Variants in GKN1 observed in about 807,000 individuals in gnomAD.
GKN1 encodes the protein gastrokine-1.
GKN1 carries 17 observed loss-of-function variants against 19.7 expected under a neutral mutation model. The observed-to-expected ratio is 0.86, with a 90% CI of 0.59 to 1.29. The LOEUF is 1.29. GKN1 is among the 50% of genes most tolerant of loss of function. GKN1 has a pLI of 0.00. For synonymous variants in GKN1, 96 were observed against 78.3 expected (o/e 1.23, Z -1.20); for missense variants, 218 against 224.5 (o/e 0.97, Z 0.19).
intron 1 of GKN1, among the ~76,000 whole-genome samples, chr2:68,975,836 AT>A (rs1670252582): frequency 6.6e-6 from 1 of 152,172 alleles, no homozygotes; most frequent in East Asian, 1.9e-4. Flanking sequence ...TAGGAGACTA[AT>A]TTTTAACTCC....
At chr2:68,977,890 A>T in intron 3 of GKN1, 116 bp downstream of exon 3, 1 of 843,550 alleles carries the variant, frequency 1.2e-6, no homozygotes, top group Non-Finnish European at 1.9e-6. Flanking sequence ...TACACATAGC[A>T]TACAGTTATA....
Position 68,980,045 on chromosome 2 carries a change from G to A in GKN1, c.448G>A (p.Ala150Thr). Reference sequence around the variant, plus strand: ...GTGTCGTGGGATTCCAACATACATGGCTGAGGAGATGCAAGGTGAGTAGCA... The same window carrying A: ...GTGTCGTGGGATTCCAACATACATGACTGAGGAGATGCAAGGTGAGTAGCA... ...NMCRGIPTYMAEEMQEASLFF... is the reference protein window; with the variant it reads ...NMCRGIPTYMTEEMQEASLFF... Residue 150 changes from alanine to threonine, a missense_variant, in exon 5 of 6, where the codon GCT (alanine) becomes ACT (threonine). By Grantham distance (58) the Ala-to-Thr change is moderately conservative. Transcript: ENST00000377938. 6.2e-7 allele frequency: 1 copy of A among 1,613,798 alleles called. No individual in the cohort carries two copies. The highest frequency in any genetic ancestry group is 1.1e-5 in the South Asian group (1 of 91,070).
rs1422161672 is a variant in GKN1 at position 68,977,655 on chromosome 2, G to A, written c.85G>A (p.Asp29Asn). The change falls in exon 3 of 6, where the codon GAC becomes AAC. Residue 29 changes from aspartate to asparagine, a missense_variant. Physicochemically the swap from Asp to Asn is conservative, Grantham distance 23. Transcript: ENST00000377938. ...ACTTCAGAATATCAACGTCAATGATGACAACAACAATGCTGGAAGTGGGCA... is the reference window on the plus strand; with the variant it reads ...ACTTCAGAATATCAACGTCAATGATAACAACAACAATGCTGGAAGTGGGCA... ...LANYNINVNDDNNNAGSGQQS... is the reference protein window; with the variant it reads ...LANYNINVNDNNNNAGSGQQS... The A allele has an allele frequency of 1.9e-6, 3 of 1,610,950 alleles. No homozygotes were observed. The African/African-American group carries it at 4.0e-5, about 22-fold the overall frequency.
chr2:68,980,821 T>G lies in GKN1; in HGVS notation c.556T>G (p.Ter186GluextTer4). The change falls in exon 6 of 6, where the codon TAA becomes GAA. Residue 186 changes from the stop codon to glutamate (E), a stop_lost. Transcript: ENST00000377938. ...ISFCGDTVEN[*>E] ...CTTCTGTGGAGACACGGTGGAGAACTAAACAATTTTTTAAAGCCACTATGG... is the reference window on the plus strand; with the variant it reads ...CTTCTGTGGAGACACGGTGGAGAACGAAACAATTTTTTAAAGCCACTATGG... 1 of 1,474,850 alleles carries G rather than the reference T, an allele frequency of 6.8e-7. No individual in the cohort carries two copies. The highest frequency in any genetic ancestry group is 9.5e-7 in the Non-Finnish European group (1 of 1,052,982). 91.4% of individuals were successfully genotyped at this position (1,474,850 alleles called of 1,614,324 possible).
chr2:68,977,364 A>G (rs1573742651), intron 1 of GKN1, 131 bp from the exon 2 acceptor site: 4 of 582,916 alleles, frequency 6.9e-6, no homozygotes, highest in Non-Finnish European at 1.1e-5. Flanking sequence ...GTAAGAGAAG[A>G]AAAAAACACA....
chr2:68,979,002 A>G, intron 4 of GKN1, 21 bp downstream of exon 4: 1 of 1,265,078 alleles, frequency 7.9e-7, no homozygotes, highest in Non-Finnish European at 1.1e-6. Context: ...AAGGCTTTTT[A>G]TTTTTGGTGA....
chr2:68,979,182 G>A (rs531203313), intron 4 of GKN1, among the ~76,000 whole-genome samples: 4 of 152,284 alleles, frequency 2.6e-5, no homozygotes, highest in African/African-American at 4.8e-5. Context: ...CTCTACAACC[G>A]CTGAGCAAAG....
chr2:68,979,979 GT>G lies in GKN1; in HGVS notation c.383del (p.Val128AlafsTer4), dbSNP rs1480004615. 6.2e-7 allele frequency: 1 copy of G among 1,613,678 alleles called. No homozygotes were observed. The highest frequency in any genetic ancestry group is 1.7e-5 in the Admixed American group (1 of 60,030). On this transcript the variant is annotated frameshift_variant, in exon 5 of 6. Transcript: ENST00000377938. LOFTEE classifies it high-confidence loss of function. ...GLMYSVNPNKVDDLSKFGKNI... is the reference protein window; with the variant it reads ...GLMYSVNPNKXDDLSKFGKNI... ...GATGTACTCAGTCAACCCAAACAAA[GT>G]CGATGACCTGAGCAAGTTCGGAAAA...
intron 3 of GKN1, 134 bp downstream of exon 3, chr2:68,977,908 G>A (rs1670288605): frequency 8.2e-6 from 6 of 734,502 alleles, no homozygotes; most frequent in African/African-American, 3.5e-5. Flanking sequence ...ATAAGTAAAG[G>A]TGACCATTTT....
Position 68,977,663 on chromosome 2 carries a change from C to T in GKN1, c.93C>T (p.Asn31=), listed in dbSNP as rs1558715028. ...NYNINVNDDN[N]NAGSGQQSVS... ...ATATCAACGTCAATGATGACAACAA[C>T]AATGCTGGAAGTGGGCAGCAGTCAG... Residue 31 remains asparagine, a synonymous_variant, in exon 3 of 6, where the codon AAC becomes AAT. Transcript: ENST00000377938. 1.9e-6 allele frequency: 3 copies of T among 1,610,264 alleles called. No homozygotes were observed. Among genetic ancestry groups the T allele is most frequent in the Non-Finnish European group, 2.5e-6 (3 of 1,176,516 alleles).
At chr2:68,980,674 AG>A (rs2103927280) in intron 5 of GKN1, 54 bp from the exon 6 acceptor site, 1 of 915,906 alleles carries the variant, frequency 1.1e-6, no homozygotes, top group East Asian at 2.4e-5. Context: ...ATCCCCTCCA[AG>A]AAAAGAGTCC....
intron 3 of GKN1, 122 bp from the exon 4 acceptor site, chr2:68,978,749 G>C: frequency 1.7e-6 from 1 of 605,224 alleles, no homozygotes; most frequent in Non-Finnish European, 3.0e-6. Context: ...CCCATCCAGT[G>C]CTCTTATCCC....
chr2:68,977,821 T>C (rs2103922946), intron 3 of GKN1, 47 bp downstream of exon 3: 1 of 1,469,764 alleles, frequency 6.8e-7, no homozygotes. Flanking sequence ...AAAAATACGA[T>C]TTCTTTTTAA....
At chr2:68,976,643 A>G (rs1236812332) in intron 1 of GKN1, among the ~76,000 whole-genome samples, 1 of 152,180 alleles carries the variant, frequency 6.6e-6, no homozygotes, top group Non-Finnish European at 1.5e-5. Flanking sequence ...TTAAAAGTGA[A>G]TCTTTACTCC....
Position 68,977,562 on chromosome 2 carries a change from T to C in GKN1, c.66+14T>C, listed in dbSNP as rs1213718489. On this transcript the variant is annotated intron_variant, in intron 2 of 5. Coordinates refer to ENST00000377938, the MANE Select transcript of GKN1 (RefSeq NM_019617.4). ...CTAGCTAACTATGTAAGTCTCACCTTTTCAAGTTTGCTACCAAAATGCATT... is the reference window on the plus strand; with the variant it reads ...CTAGCTAACTATGTAAGTCTCACCTCTTCAAGTTTGCTACCAAAATGCATT... 2 of 1,609,128 alleles carry C rather than the reference T, an allele frequency of 1.2e-6. No individual in the cohort carries two copies. The highest frequency in any genetic ancestry group is 1.3e-5 in the African/African-American group (1 of 74,786).
chr2:68,977,761 G>A lies in GKN1; in HGVS notation c.191G>A (p.Trp64Ter). ...GGATGGGACTCCTGGAATTCCATCT[G>A]GGATTATGGAAATGTAGGTAGTCAA... ...NNGWDSWNSI[W>*]DYGNGFAATR... Residue 64 changes from tryptophan (W) to a stop codon, truncating the protein, a stop_gained, in exon 3 of 6, where the codon TGG becomes TAG. Coordinates refer to ENST00000377938, the MANE Select transcript of GKN1 (RefSeq NM_019617.4). LOFTEE classifies it high-confidence loss of function. The A allele has an allele frequency of 6.2e-7, 1 of 1,610,822 alleles. No individual in the cohort carries two copies. The highest frequency in any genetic ancestry group is 8.5e-7 in the Non-Finnish European group (1 of 1,177,164).
At position 68,974,715 on chromosome 2, in the gene GKN1, T is replaced by C. The variant is rs1285770956; in HGVS notation, c.12+26T>C. On this transcript the variant is annotated intron_variant, in intron 1 of 5. Transcript: ENST00000377938. Reference sequence around the variant, plus strand: ...GTGAGTAGATTTTTCCTTTTGAATTTACCACCAAATGATTGGAGACTGTCA... The same window carrying C: ...GTGAGTAGATTTTTCCTTTTGAATTCACCACCAAATGATTGGAGACTGTCA... 3.6e-6 allele frequency: 5 copies of C among 1,394,464 alleles called. No homozygotes were observed. The Admixed American group carries it at 8.4e-5, about 23-fold the overall frequency. The allele number at this position is 1,394,464 out of a possible 1,614,324, so 86.4% of individuals were successfully genotyped here.
chr2:68,977,872 A>ATT, intron 3 of GKN1, 98 bp downstream of exon 3: 2 of 1,010,282 alleles, frequency 2.0e-6, no homozygotes, highest in South Asian at 3.0e-5. Context: ...TTAAAAATAA[A>ATT]TTCTAATTAC....
intron 1 of GKN1, among the ~76,000 whole-genome samples, chr2:68,975,005 AT>A (rs1204104057): frequency 2.6e-5 from 4 of 151,024 alleles, no homozygotes; most frequent in African/African-American, 4.8e-5. Context: ...ATGAAAAAAA[AT>A]CTTTTTTCTA....
Sources: gnomAD v4.1 joint callset for allele counts (sites outside exome capture counted in the v4.1 genomes callset) on GRCh38, gnomAD v4.1.1 for gene constraint, MANE v1.5 for transcripts, NCBI Gene and HGNC (gene_info 2026-07-23, HGNC 2026-07-21) for gene names.